The following DLGAP1 variants were observed in gnomAD, a reference collection of about 807,000 sequenced individuals.
DLGAP1 encodes the protein DLG associated protein 1.
Under a neutral mutation model 90.8 loss-of-function variants are expected in DLGAP1, and 11 were observed. That is an observed-to-expected ratio of 0.12 (90% CI 0.08 to 0.20). DLGAP1 has a LOEUF of 0.20. Among genes scored for constraint, DLGAP1 ranks in the 10% least tolerant of loss-of-function variants. The probability of loss-of-function intolerance (pLI) is 1.00; values close to 1 mark genes in which losing one functional copy is unlikely to be tolerated. For missense variants in DLGAP1, 1,050 were observed against 1,333.8 expected (o/e 0.79, Z 3.31); for synonymous variants, 558 against 540.7 (o/e 1.03, Z -0.44).
intron 5 of DLGAP1, among the ~76,000 whole-genome samples, chr18:3,760,291 C>T (rs981213750): frequency 6.6e-5 from 10 of 152,132 alleles, no homozygotes; most frequent in South Asian, 2.1e-4. Flanking sequence ...ACAGGAGGGG[C>T]GACACAGGGC....
chr18:4,377,619 C>T (rs77883378), intron 1 of DLGAP1, among the ~76,000 whole-genome samples: 3 of 152,000 alleles, frequency 2.0e-5, no homozygotes, highest in African/African-American at 7.2e-5. Context: ...TTTATATTGT[C>T]CTTATATTAT....
chr18:4,203,472 A>G (rs879772117), intron 1 of DLGAP1, among the ~76,000 whole-genome samples: 8 of 152,168 alleles, frequency 5.3e-5, no homozygotes. Flanking sequence ...GCAGATATCA[A>G]TTAATCTTTT....
intron 1 of DLGAP1, among the ~76,000 whole-genome samples, chr18:4,262,124 T>G (rs1568477958): frequency 6.6e-6 from 1 of 152,170 alleles, no homozygotes; most frequent in East Asian, 1.9e-4. Context: ...GGAGATCCAT[T>G]TTCATCTTTA....
intron 7 of DLGAP1, among the ~76,000 whole-genome samples, chr18:3,699,438 C>T (rs2061203929): frequency 6.6e-6 from 1 of 152,168 alleles, no homozygotes; most frequent in Non-Finnish European, 1.5e-5. Flanking sequence ...AGGTCCGCTC[C>T]AGATCCTGTT....
At chr18:4,016,751 G>A (rs1481536945) in intron 2 of DLGAP1, among the ~76,000 whole-genome samples, 5 of 152,172 alleles carry the variant, frequency 3.3e-5, no homozygotes, top group Admixed American at 6.5e-5. Context: ...AGGCTCCAGC[G>A]GAGTCAGCAC....
intron 1 of DLGAP1, among the ~76,000 whole-genome samples, chr18:4,154,777 A>T (rs967083347): frequency 6.6e-6 from 1 of 152,150 alleles, no homozygotes; most frequent in East Asian, 1.9e-4. Flanking sequence ...CCAGGTTAGT[A>T]TGAGGAACAA....
intron 3 of DLGAP1, among the ~76,000 whole-genome samples, chr18:3,913,200 C>G (rs1230467609): frequency 6.6e-6 from 1 of 152,140 alleles, no homozygotes; most frequent in Non-Finnish European, 1.5e-5. Context: ...TAGTGATCCT[C>G]CTGCCTCAGC....
intron 3 of DLGAP1, among the ~76,000 whole-genome samples, chr18:3,966,135 G>A (rs1404771448): frequency 6.6e-6 from 1 of 151,966 alleles, no homozygotes; most frequent in Non-Finnish European, 1.5e-5. Context: ...AACCACATTC[G>A]CTAATGCGGT....
chr18:3,836,945 A>T (rs555292499), intron 4 of DLGAP1, among the ~76,000 whole-genome samples: 1 of 152,362 alleles, frequency 6.6e-6, no homozygotes, highest in South Asian at 2.1e-4. Context: ...ATGATGAACA[A>T]TGAAGCAGGC....
chr18:3,563,833 T>A (rs1235052447), intron 9 of DLGAP1, among the ~76,000 whole-genome samples: 2 of 152,186 alleles, frequency 1.3e-5, no homozygotes, highest in African/African-American at 4.8e-5. Flanking sequence ...TATTGTTATA[T>A]CCTCAAGTTT....
At chr18:4,445,447 C>G (rs1355243977) in intron 1 of DLGAP1, among the ~76,000 whole-genome samples, 1 of 113,768 alleles carries the variant, frequency 8.8e-6, no homozygotes, top group Non-Finnish European at 1.7e-5. Context: ...TCCCTCCCCC[C>G]TCCCCCCACC....
At chr18:4,265,134 T>TTCCTTC (rs61084906) in intron 1 of DLGAP1, among the ~76,000 whole-genome samples, 248 of 140,208 alleles carry the variant, frequency 1.8e-3, no homozygotes, top group Admixed American at 2.9e-3. Context: ...TTCCTTCCTT[T>TTCCTTC]CCTCCCTCCC....
intron 1 of DLGAP1, among the ~76,000 whole-genome samples, chr18:4,327,186 T>C (rs2080840581): frequency 6.6e-6 from 1 of 152,090 alleles, no homozygotes; most frequent in South Asian, 2.1e-4. Flanking sequence ...TATTGTGTAT[T>C]TCCCAACTGC....
intron 7 of DLGAP1, among the ~76,000 whole-genome samples, chr18:3,609,291 C>T (rs923083444): frequency 6.6e-6 from 1 of 152,158 alleles, no homozygotes; most frequent in African/African-American, 2.4e-5. Flanking sequence ...AAGTGATCCT[C>T]CCACCTTGGC....
At chr18:3,936,960 A>G (rs1356967163) in intron 3 of DLGAP1, among the ~76,000 whole-genome samples, 2 of 152,210 alleles carry the variant, frequency 1.3e-5, no homozygotes, top group African/African-American at 4.8e-5. Flanking sequence ...CATGTAGGCC[A>G]TGCTCCTTGG....
intron 1 of DLGAP1, among the ~76,000 whole-genome samples, chr18:4,162,019 T>TA (rs539749079): frequency 3.3e-5 from 5 of 152,066 alleles, no homozygotes; most frequent in Admixed American, 6.6e-5. Context: ...CATTGTGTCT[T>TA]AAAAAAATGT....
intron 7 of DLGAP1, among the ~76,000 whole-genome samples, chr18:3,662,640 A>T (rs1021499385): frequency 1.3e-5 from 2 of 152,210 alleles, no homozygotes; most frequent in Admixed American, 1.3e-4. Context: ...TTTCTTATGG[A>T]AAGGGGACAA....
rs898101788 is a variant in DLGAP1, at chr18:4,291,498, T to G, written c.-266-140211A>C. Among the ~76,000 whole-genome samples, 8 of 152,218 alleles carry G rather than the reference T, an allele frequency of 5.3e-5. No individual in the cohort carries two copies. In the South Asian group the frequency reaches 6.2e-4, roughly 12 times the overall value. On this transcript the variant is annotated intron_variant, in intron 1 of 12. Transcript: ENST00000315677. ...ATTCCAATTGTTACCAGGTATGTCATGTATACATATATGGCAGTTTCTTAA... is the reference window on the plus strand; with the variant it reads ...ATTCCAATTGTTACCAGGTATGTCAGGTATACATATATGGCAGTTTCTTAA...
intron 7 of DLGAP1, chr18:3,604,218 G>A (rs2057213483): frequency 6.6e-6 from 1 of 152,264 alleles, no homozygotes; most frequent in African/African-American, 2.4e-5. Context: ...AGCATCAGGT[G>A]AGTCTGATAT....
Sources: gnomAD v4.1 joint callset for allele counts (sites outside exome capture counted in the v4.1 genomes callset) on GRCh38, gnomAD v4.1.1 for gene constraint, MANE v1.5 for transcripts, NCBI Gene and HGNC (gene_info 2026-07-23, HGNC 2026-07-21) for gene names.